The following RAB2A variants were observed in gnomAD, a reference collection of about 807,000 sequenced individuals.
RAB2A encodes the protein ras-related protein Rab-2A.
A neutral mutation model predicts 32.5 loss-of-function variants in RAB2A; 7 were observed. That is an observed-to-expected ratio of 0.22 (90% CI 0.12 to 0.40). The LOEUF (loss-of-function observed/expected upper bound fraction) is 0.40. RAB2A is among the 10% of genes least tolerant of loss of function. The pLI, the probability that RAB2A is intolerant of heterozygous loss-of-function variation, is 1.00. For synonymous variants in RAB2A, 79 were observed against 85.2 expected (o/e 0.93, Z 0.40); for missense variants, 108 against 260.7 (o/e 0.41, Z 4.03).
chr8:60,583,572 ATAAAT>A (rs1803797405), intron 3 of RAB2A, among the ~76,000 whole-genome samples: 1 of 152,250 alleles, frequency 6.6e-6, no homozygotes, highest in African/African-American at 2.4e-5. Context: ...AAAAACTTAT[ATAAAT>A]TAAATTCAGA....
At chr8:60,586,547 CTAAA>C (rs1803852202) in intron 5 of RAB2A, among the ~76,000 whole-genome samples, 1 of 151,912 alleles carries the variant, frequency 6.6e-6, no homozygotes, top group Admixed American at 6.6e-5. Context: ...TGTAAACAGA[CTAAA>C]TAAATGAAGA....
chr8:60,596,649 G>T (rs548372813), intron 6 of RAB2A, among the ~76,000 whole-genome samples: 1 of 152,154 alleles, frequency 6.6e-6, no homozygotes, highest in Non-Finnish European at 1.5e-5. Flanking sequence ...ACGGCCGGGC[G>T]CGGTGGCTCA....
intron 1 of RAB2A, among the ~76,000 whole-genome samples, chr8:60,519,166 C>T (rs1268206776): frequency 6.6e-6 from 1 of 152,142 alleles, no homozygotes; most frequent in Non-Finnish European, 1.5e-5. Flanking sequence ...TAGTCTGCAG[C>T]AGTACTTCTC....
intron 1 of RAB2A, among the ~76,000 whole-genome samples, chr8:60,540,877 A>G (rs928819943): frequency 4.6e-5 from 7 of 152,236 alleles, no homozygotes; most frequent in Non-Finnish European, 7.3e-5. Flanking sequence ...ATGACATTAT[A>G]TAAGACACAA....
At chr8:60,555,454 G>A (rs1807922783) in intron 1 of RAB2A, among the ~76,000 whole-genome samples, 1 of 151,964 alleles carries the variant, frequency 6.6e-6, no homozygotes, top group Admixed American at 6.5e-5. Context: ...TTTAGAATGG[G>A]ATAAAATATT....
chr8:60,559,138 G>A (rs1454588274), intron 2 of RAB2A: 5 of 446,168 alleles, frequency 1.1e-5, no homozygotes, highest in Non-Finnish European at 1.6e-5. Flanking sequence ...ACTGCTGAAA[G>A]ACAGTAGTTT....
chr8:60,558,325 G>C, intron 1 of RAB2A: 1 of 445,852 alleles, frequency 2.2e-6, no homozygotes, highest in Non-Finnish European at 4.5e-6. Context: ...TGACCGTAAC[G>C]GGGTCAATTT....
intron 6 of RAB2A, among the ~76,000 whole-genome samples, chr8:60,612,438 A>G (rs894310741): frequency 6.6e-5 from 10 of 152,244 alleles, no homozygotes; most frequent in Admixed American, 2.0e-4. Context: ...TACAAATTTT[A>G]TATACTTCCA....
chr8:60,586,949 A>AAG (rs1345672747), intron 5 of RAB2A, among the ~76,000 whole-genome samples: 41 of 151,814 alleles, frequency 2.7e-4, no homozygotes, highest in African/African-American at 9.9e-4. Flanking sequence ...AAAAAAAAAA[A>AAG]AAAGATTTAT....
At chr8:60,601,580 C>T (rs541199479) in intron 6 of RAB2A, among the ~76,000 whole-genome samples, 20 of 152,280 alleles carry the variant, frequency 1.3e-4, no homozygotes, top group Non-Finnish European at 2.5e-4. Flanking sequence ...TCAAATGATC[C>T]GCCTGCTGTG....
At chr8:60,577,786 C>T (rs535675748) in intron 3 of RAB2A, among the ~76,000 whole-genome samples, 2,387 of 141,600 alleles carry the variant, frequency 0.017, 27 homozygotes, top group Non-Finnish European at 0.024. Context: ...CCACCACGCC[C>T]GGCTAATTTT....
intron 1 of RAB2A, among the ~76,000 whole-genome samples, chr8:60,526,017 G>GCATATATA: frequency 2.7e-5 from 2 of 74,222 alleles, no homozygotes; most frequent in South Asian, 4.5e-4. Context: ...ATGTGTGTGT[G>GCATATATA]TACATATATA....
chr8:60,620,311 G>C (rs1804508333), intron 7 of RAB2A, among the ~76,000 whole-genome samples: 1 of 152,186 alleles, frequency 6.6e-6, no homozygotes, highest in Non-Finnish European at 1.5e-5. Context: ...CTAGAGAAAA[G>C]ATTTTACGTT....
intron 3 of RAB2A, among the ~76,000 whole-genome samples, chr8:60,579,028 TTTG>T (rs1803689366): frequency 1.3e-5 from 2 of 152,106 alleles, no homozygotes; most frequent in South Asian, 4.1e-4. Flanking sequence ...TGAATGTTTT[TTTG>T]TTGTTTTGTT....
intron 1 of RAB2A, among the ~76,000 whole-genome samples, chr8:60,534,158 G>T (rs1168747308): frequency 1.3e-5 from 2 of 152,214 alleles, no homozygotes; most frequent in Non-Finnish European, 2.9e-5. Context: ...TTTCTAACTG[G>T]AGTGAATGGC....
chr8:60,588,471 C>G (rs974265496), intron 5 of RAB2A, among the ~76,000 whole-genome samples: 3 of 152,088 alleles, frequency 2.0e-5, no homozygotes, highest in Non-Finnish European at 4.4e-5. Context: ...AATAGTGATA[C>G]AGCATTACAA....
chr8:60,570,170 C>A, intron 2 of RAB2A: 1 of 362,226 alleles, frequency 2.8e-6, no homozygotes. Flanking sequence ...GTATCAGCAG[C>A]ATTGATGGGT....
chr8:60,587,129 A>T (rs1803864631), intron 5 of RAB2A, among the ~76,000 whole-genome samples: 1 of 152,180 alleles, frequency 6.6e-6, no homozygotes, highest in Non-Finnish European at 1.5e-5. Context: ...AAGATTTATT[A>T]TACTATAGTC....
chr8:60,570,111 G>A (rs1808176045), intron 2 of RAB2A: 1 of 446,872 alleles, frequency 2.2e-6, no homozygotes, highest in Non-Finnish European at 4.5e-6. Context: ...CAGAGAGGGA[G>A]CATCTGCTTG....
Sources: allele counts gnomAD v4.1 joint callset (sites outside exome capture counted in the v4.1 genomes callset), GRCh38; gene constraint gnomAD v4.1.1; transcripts MANE v1.5; gene names NCBI Gene and HGNC (gene_info 2026-07-23, HGNC 2026-07-21).